Variants in SDC2 observed in about 807,000 individuals in gnomAD.
SDC2 encodes syndecan-2.
A neutral mutation model predicts 22.2 loss-of-function variants in SDC2; 13 were observed. The observed-to-expected ratio is 0.59, with a 90% CI of 0.38 to 0.93. SDC2 has a LOEUF of 0.93. Among genes scored for constraint, SDC2 ranks in the 40% least tolerant of loss-of-function variants. The probability of loss-of-function intolerance (pLI) is 0.00; values close to 1 mark genes in which losing one functional copy is unlikely to be tolerated. For synonymous variants in SDC2, 94 were observed against 92.8 expected (o/e 1.01, Z -0.07); for missense variants, 235 against 246.8 (o/e 0.95, Z 0.32).
chr8:96,516,017 A>T lies in SDC2; in HGVS notation c.60+21686A>T, dbSNP rs553993470. ...CAGGCTGATGGATCTCTTTGCCCCA[A>T]GTACTGTTGTCACACTGCCGGTGTT... On this transcript the variant is annotated intron_variant, in intron 1 of 4. Transcript: ENST00000302190. Among the ~76,000 whole-genome samples the T allele has an allele frequency of 2.2e-4, 33 of 152,266 alleles. 2 individuals are homozygous for T. In the South Asian group the frequency reaches 6.8e-3, roughly 32 times the overall value.
chr8:96,536,819 T>C (rs965055994), intron 1 of SDC2, among the ~76,000 whole-genome samples: 12 of 152,206 alleles, frequency 7.9e-5, no homozygotes, highest in African/African-American at 2.9e-4. Context: ...TTAGGGTTGA[T>C]TACCTATGCT....
chr8:96,583,544 A>G (rs1034136193), intron 1 of SDC2, among the ~76,000 whole-genome samples: 4 of 151,618 alleles, frequency 2.6e-5, no homozygotes, highest in African/African-American at 9.7e-5. Context: ...TTTCAGCAAC[A>G]TTATAGTGCC....
chr8:96,607,432 T>C (rs1200625455), intron 3 of SDC2, among the ~76,000 whole-genome samples: 2 of 152,028 alleles, frequency 1.3e-5, no homozygotes, highest in Non-Finnish European at 2.9e-5. Flanking sequence ...AAACATATGA[T>C]AGAAAATGTG....
intron 1 of SDC2, among the ~76,000 whole-genome samples, chr8:96,548,956 G>C (rs1338204579): frequency 6.6e-6 from 1 of 152,182 alleles, no homozygotes; most frequent in Non-Finnish European, 1.5e-5. Flanking sequence ...GGTACACGTG[G>C]AGTAGATGCC....
chr8:96,598,348 G>A (rs115842719), intron 2 of SDC2, among the ~76,000 whole-genome samples: 3,612 of 152,286 alleles, frequency 0.024, 142 homozygotes, highest in African/African-American at 0.083. Flanking sequence ...AAGGCTGGGT[G>A]TGGTGGGTTA....
intron 1 of SDC2, among the ~76,000 whole-genome samples, chr8:96,558,721 G>T (rs919716231): frequency 6.6e-6 from 1 of 152,092 alleles, no homozygotes; most frequent in Admixed American, 6.5e-5. Context: ...ATATAAGGGT[G>T]GGAAATATTA....
intron 1 of SDC2, among the ~76,000 whole-genome samples, chr8:96,558,856 A>T (rs1417385820): frequency 6.6e-6 from 1 of 152,230 alleles, no homozygotes; most frequent in Non-Finnish European, 1.5e-5. Flanking sequence ...CATTCCAAAC[A>T]AACTCACAGA....
intron 1 of SDC2, among the ~76,000 whole-genome samples, chr8:96,521,624 C>CT (rs1813498982): frequency 6.6e-6 from 1 of 152,146 alleles, no homozygotes; most frequent in Non-Finnish European, 1.5e-5. Flanking sequence ...AAAAATATGT[C>CT]TATTTAGAGT....
At chr8:96,497,214 G>C (rs1813090533) in intron 1 of SDC2, among the ~76,000 whole-genome samples, 1 of 152,118 alleles carries the variant, frequency 6.6e-6, no homozygotes, top group African/African-American at 2.4e-5. Context: ...GTTTGCATTA[G>C]AAGGGTAACT....
chr8:96,562,750 T>C (rs1415849099), intron 1 of SDC2, among the ~76,000 whole-genome samples: 1 of 152,202 alleles, frequency 6.6e-6, no homozygotes, highest in Non-Finnish European at 1.5e-5. Flanking sequence ...TTAGCATTGC[T>C]TTCAAGCAGA....
intron 1 of SDC2, among the ~76,000 whole-genome samples, chr8:96,586,785 A>C (rs1356315219): frequency 2.0e-5 from 3 of 152,232 alleles, no homozygotes; most frequent in Non-Finnish European, 4.4e-5. Context: ...CCTAATACGC[A>C]TGAGTAAATC....
chr8:96,517,494 A>G (rs975403738), intron 1 of SDC2, among the ~76,000 whole-genome samples: 1 of 152,064 alleles, frequency 6.6e-6, no homozygotes, highest in African/African-American at 2.4e-5. Context: ...TCTATTTTGA[A>G]TTAGTTTTTG....
intron 1 of SDC2, among the ~76,000 whole-genome samples, chr8:96,525,934 G>A (rs1404472801): frequency 2.6e-5 from 4 of 152,142 alleles, no homozygotes; most frequent in East Asian, 3.9e-4. Context: ...GGGTGGGGCC[G>A]CACAGGAACC....
At chr8:96,556,906 A>G (rs1486970849) in intron 1 of SDC2, among the ~76,000 whole-genome samples, 2 of 150,888 alleles carry the variant, frequency 1.3e-5, no homozygotes, top group Non-Finnish European at 3.0e-5. Context: ...AGAATCTACA[A>G]TGAACTCAAA....
chr8:96,511,911 A>G (rs1339531949), intron 1 of SDC2, among the ~76,000 whole-genome samples: 1 of 152,080 alleles, frequency 6.6e-6, no homozygotes, highest in Non-Finnish European at 1.5e-5. Context: ...TGTTAAAAAG[A>G]GATTCCTAAA....
rs551767551 is a variant in SDC2, at chr8:96,572,098, T to C, written c.61-21382T>C. On this transcript the variant is annotated intron_variant, in intron 1 of 4. Coordinates refer to ENST00000302190, the MANE Select transcript of SDC2 (RefSeq NM_002998.4). ...GAGGCTGCTGCCACCCTGTTTTTTT[T>C]CCCAAGTCCACCTTGGTGGCCTCAT... Among the ~76,000 whole-genome samples, 188 of 152,276 alleles carry C rather than the reference T, an allele frequency of 1.2e-3. 3 individuals carry two copies. Among genetic ancestry groups the C allele is most frequent in the Non-Finnish European group, 1.8e-3 (120 of 67,996 alleles).
At chr8:96,592,776 T>C (rs887264221) in intron 1 of SDC2, among the ~76,000 whole-genome samples, 1 of 152,222 alleles carries the variant, frequency 6.6e-6, no homozygotes, top group Non-Finnish European at 1.5e-5. Context: ...CGTGTGGGTT[T>C]ATCTGTATTT....
At chr8:96,595,876 C>T (rs1413598698) in intron 2 of SDC2, among the ~76,000 whole-genome samples, 1 of 152,180 alleles carries the variant, frequency 6.6e-6, no homozygotes, top group African/African-American at 2.4e-5. Context: ...GAGGGTTAAA[C>T]CTGGGCCCAC....
intron 1 of SDC2, among the ~76,000 whole-genome samples, chr8:96,515,367 A>G (rs1256221254): frequency 1.3e-5 from 2 of 152,200 alleles, no homozygotes; most frequent in South Asian, 2.1e-4. Flanking sequence ...ATGACTAACC[A>G]TTTCCTCTCT....
Sources: allele counts gnomAD v4.1 joint callset (sites outside exome capture counted in the v4.1 genomes callset), GRCh38; gene constraint gnomAD v4.1.1; transcripts MANE v1.5; gene names NCBI Gene and HGNC (gene_info 2026-07-23, HGNC 2026-07-21).